The following NHSL2 variants were observed in gnomAD, a reference collection of about 807,000 sequenced individuals.
The protein encoded by NHSL2 is NHS like 2, also known as NHS-like protein 2.
NHSL2 carries 27 observed loss-of-function variants against 53.4 expected under a neutral mutation model. The observed-to-expected ratio is 0.51, with a 90% CI of 0.37 to 0.70. The LOEUF (loss-of-function observed/expected upper bound fraction) is 0.70. Ranked by LOEUF, NHSL2 falls within the 30% of genes least tolerant of loss-of-function variation. The pLI is 0.00. For missense variants in NHSL2, 892 were observed against 980.1 expected, an observed-to-expected ratio of 0.91 and a Z score of 1.20; for synonymous variants, 408 against 404.1, an observed-to-expected ratio of 1.01 and a Z score of -0.12.
chrX:72,001,075 C>G (rs2042070675), intron 1 of NHSL2, among the ~76,000 whole-genome samples: 1 of 112,217 alleles, frequency 8.9e-6, no homozygotes, highest in South Asian at 3.7e-4. Context: ...TCTGTGCTCT[C>G]CCTTTGGAGT....
At chrX:72,093,719 TTG>T (rs1491036098) in intron 1 of NHSL2, among the ~76,000 whole-genome samples, 2,548 of 75,765 alleles carry the variant, frequency 0.034, 63 homozygotes, top group East Asian at 0.099. Flanking sequence ...TATAGCTTGC[TTG>T]CTTTCTTTCT....
At chrX:72,120,467 A>T (rs915715323) in intron 1 of NHSL2, among the ~76,000 whole-genome samples, 2 of 112,017 alleles carry the variant, frequency 1.8e-5, no homozygotes, top group African/African-American at 6.5e-5. Flanking sequence ...TAAGTTGTCT[A>T]ATTTAGTGTC....
intron 1 of NHSL2, among the ~76,000 whole-genome samples, chrX:72,064,690 A>G (rs2042417584): frequency 9.0e-6 from 1 of 111,534 alleles, no homozygotes; most frequent in Admixed American, 9.5e-5. Flanking sequence ...CACTTTGGGG[A>G]CATGGGCCCC....
chrX:72,151,804 T>A lies in NHSL2; in HGVS notation c.*8230T>A, dbSNP rs2042515781. The A allele has an allele frequency of 8.9e-6, 1 of 112,105 alleles. No homozygotes were observed. Among genetic ancestry groups the A allele is most frequent in the African/African-American group, 3.2e-5 (1 of 30,849 alleles). The allele number at this position is 112,105 out of a possible 1,213,427, so 9.2% of individuals were successfully genotyped here. ...TACTAGTATCATGAGTTTAGGGCTG[T>A]CGTTGGAAAGTCTGGCAGCCCAGGC... On this transcript the variant is annotated 3_prime_UTR_variant, in exon 8 of 8. Coordinates refer to ENST00000633930, the MANE Select transcript of NHSL2 (RefSeq NM_001013627.3).
rs1352832135 is a variant in NHSL2, at chrX:72,146,670, G to A, written c.*3096G>A. The stretch of plus-strand genomic sequence containing the variant: ...TCTAGTCACCATCCCCAGGAGCGGA[G>A]GTTAATTGTTAACCAAGGATGCTTT... On this transcript the variant is annotated 3_prime_UTR_variant, in exon 8 of 8. Coordinates refer to ENST00000633930, the MANE Select transcript of NHSL2 (RefSeq NM_001013627.3). 1 of 111,482 alleles carries A rather than the reference G, an allele frequency of 9.0e-6. No individual in the cohort carries two copies. The highest frequency in any genetic ancestry group is 3.3e-5 in the African/African-American group (1 of 30,572). 9.2% of individuals were successfully genotyped at this position (111,482 alleles called of 1,213,427 possible).
chrX:72,025,198 C>T (rs1433443869), intron 1 of NHSL2, among the ~76,000 whole-genome samples: 1 of 112,303 alleles, frequency 8.9e-6, no homozygotes, highest in African/African-American at 3.2e-5. Flanking sequence ...AATTATTTGT[C>T]AATGAAAAAT....
At chrX:71,938,151 T>C (rs749484458) in intron 1 of NHSL2, among the ~76,000 whole-genome samples, 3 of 112,325 alleles carry the variant, frequency 2.7e-5, no homozygotes, top group African/African-American at 9.7e-5. Context: ...CCCACTGTGG[T>C]ACAACATATG....
At chrX:72,129,746 G>T in intron 1 of NHSL2, 1 of 941,143 alleles carries the variant, frequency 1.1e-6, no homozygotes, top group Non-Finnish European at 1.5e-6. Flanking sequence ...GTCCTGGTCA[G>T]CAAATGGGGC....
At chrX:72,020,170 A>T in intron 1 of NHSL2, among the ~76,000 whole-genome samples, 1 of 112,893 alleles carries the variant, frequency 8.9e-6, no homozygotes, top group East Asian at 2.8e-4. Context: ...ACAAAGAAGA[A>T]CATAAAAACT....
chrX:72,062,271 AG>A (rs1160762776), intron 1 of NHSL2, among the ~76,000 whole-genome samples: 16 of 112,446 alleles, frequency 1.4e-4, no homozygotes, highest in Admixed American at 6.6e-4. Flanking sequence ...TTAGGGTGCA[AG>A]GAGAAAATAT....
chrX:72,026,204 T>G (rs1206851933), intron 1 of NHSL2, among the ~76,000 whole-genome samples: 1 of 112,312 alleles, frequency 8.9e-6, no homozygotes, highest in Non-Finnish European at 1.9e-5. Context: ...CATCTGTGGC[T>G]GCACATTAAT....
chrX:72,098,160 G>A (rs940396996), intron 1 of NHSL2, among the ~76,000 whole-genome samples: 1 of 112,508 alleles, frequency 8.9e-6, no homozygotes, highest in African/African-American at 3.2e-5. Flanking sequence ...CGGGAAGACA[G>A]AGGCAGCAGT....
rs977813276 is a variant in NHSL2 at position 71,911,333 on chromosome X, C to T, written c.246C>T (p.Arg82=). ...TVRLRRRLPC[R]LLGPEEDEEE... is the part of the protein sequence containing the mutation. Reference sequence around the variant, plus strand: ...GCCTCCGCCGCCGCCTTCCCTGCCGCCTGCTTGGCCCGGAGGAGGACGAGG... The same window carrying T: ...GCCTCCGCCGCCGCCTTCCCTGCCGTCTGCTTGGCCCGGAGGAGGACGAGG... Residue 82 remains arginine (R), a synonymous_variant, in exon 1 of 8, where the codon CGC becomes CGT. Coordinates refer to ENST00000633930, the MANE Select transcript of NHSL2 (RefSeq NM_001013627.3). The T allele has an allele frequency of 2.9e-5, 32 of 1,108,873 alleles. No individual in the cohort carries two copies. The highest frequency in any genetic ancestry group is 3.5e-5 in the Non-Finnish European group (30 of 847,256). The allele number at this position is 1,108,873 out of a possible 1,213,427, so 91.4% of individuals were successfully genotyped here.
In NHSL2 at chrX:71,992,188, G is replaced by A. The variant is rs1489700010; in HGVS notation, c.280+80821G>A. ...CCATCACTGGGCATAGTCAGGCACT[G>A]GGTCAAAGTGGAAGCACTGATGACC... On this transcript the variant is annotated intron_variant, in intron 1 of 7. Transcript: ENST00000633930. Among the ~76,000 whole-genome samples the A allele has an allele frequency of 3.5e-5, 4 of 112,856 alleles. No homozygotes were observed. The South Asian group carries it at 1.1e-3, about 31-fold the overall frequency.
chrX:72,126,535 A>G (rs2042227215), intron 1 of NHSL2, among the ~76,000 whole-genome samples: 1 of 108,902 alleles, frequency 9.2e-6, no homozygotes, highest in Non-Finnish European at 1.9e-5. Flanking sequence ...ACTCAAAAGC[A>G]GCAGAGGCTT....
Position 71,968,417 on chromosome X carries a change from C to T in NHSL2, c.280+57050C>T, listed in dbSNP as rs1438098661. Among the ~76,000 whole-genome samples the T allele has an allele frequency of 8.9e-5, 10 of 112,279 alleles. No homozygotes were observed. In the Admixed American group the frequency reaches 9.4e-4, roughly 11 times the overall value. The stretch of plus-strand genomic sequence containing the variant: ...ATTTATCCATTTACTAGTTGATACA[C>T]ATTTGTGCTGTTTCTACTTTTTGGA... On this transcript the variant is annotated intron_variant, in intron 1 of 7. Coordinates refer to ENST00000633930, the MANE Select transcript of NHSL2 (RefSeq NM_001013627.3).
At chrX:71,916,826 A>T (rs1416307275) in intron 1 of NHSL2, among the ~76,000 whole-genome samples, 1 of 112,783 alleles carries the variant, frequency 8.9e-6, no homozygotes, top group African/African-American at 3.2e-5. Context: ...GCAGTTTTAA[A>T]CACTATAATG....
rs4072229 is a variant in NHSL2 at position 72,044,583 on chromosome X, G to A, written c.281-87496G>A. 121 of 1,045,855 alleles carry A rather than the reference G, an allele frequency of 1.2e-4. No individual in the cohort carries two copies. In the African/African-American group the frequency reaches 2.1e-3, roughly 18 times the overall value. The allele number at this position is 1,045,855 out of a possible 1,213,427, so 86.2% of individuals were successfully genotyped here. A position where few individuals can be genotyped will look rare whatever the true frequency, so the allele number is the denominator to read the frequency against. ...GAAGGAACAACAGTCATGCCAAAAA[G>A]GGCCGCGGCCACGTGCAGCCTATTC... On this transcript the variant is annotated intron_variant, in intron 1 of 7. Transcript: ENST00000633930.
chrX:71,915,423 G>T (rs2041623599), intron 1 of NHSL2, among the ~76,000 whole-genome samples: 1 of 111,778 alleles, frequency 8.9e-6, no homozygotes, highest in Non-Finnish European at 1.9e-5. Context: ...AAAGGGGAAG[G>T]TACCTGTCCA....
Sources: allele counts gnomAD v4.1 joint callset (sites outside exome capture counted in the v4.1 genomes callset), GRCh38; gene constraint gnomAD v4.1.1; transcripts MANE v1.5; gene names NCBI Gene and HGNC (gene_info 2026-07-23, HGNC 2026-07-21).